Variants in ADAMTS6 observed in about 807,000 individuals in gnomAD.
ADAMTS6 encodes A disintegrin and metalloproteinase with thrombospondin motifs 6.
In ADAMTS6, 23 loss-of-function variants were observed where a neutral mutation model predicts 144.3. The ratio of observed to expected loss-of-function variants is 0.16; its 90% confidence interval spans 0.11 to 0.23. The LOEUF (loss-of-function observed/expected upper bound fraction) is 0.23, where lower values mean the gene tolerates loss of function less well. ADAMTS6 is among the 10% of genes least tolerant of loss of function. The pLI is 1.00. For synonymous variants in ADAMTS6, 444 were observed against 457.5 expected, an observed-to-expected ratio of 0.97 and a Z score of 0.38; for missense variants, 999 against 1,379.6, an observed-to-expected ratio of 0.72 and a Z score of 4.37.
chr5:65,241,736 T>C (rs1028184754), intron 15 of ADAMTS6, among the ~76,000 whole-genome samples: 3 of 152,148 alleles, frequency 2.0e-5, no homozygotes, highest in African/African-American at 7.2e-5. Context: ...TGTTTTAGGG[T>C]GATAATTGCA....
intron 13 of ADAMTS6, 148 bp downstream of exon 13, chr5:65,262,669 C>T (rs1761300670): frequency 1.2e-6 from 1 of 802,508 alleles, no homozygotes; most frequent in Non-Finnish European, 1.7e-6. Context: ...TAACAAAGCT[C>T]CTCCACTTTC....
intron 7 of ADAMTS6, among the ~76,000 whole-genome samples, chr5:65,407,515 T>A (rs1580631512): frequency 1.8e-5 from 2 of 109,644 alleles, no homozygotes; most frequent in African/African-American, 7.1e-5. Flanking sequence ...CAGTCCCCGG[T>A]GTGTGATGTT....
rs534241630 is a variant in ADAMTS6, at chr5:65,196,799, C to T, written c.2705+223G>A. 1.8e-4 allele frequency among the ~76,000 whole-genome samples: 28 copies of T among 152,140 alleles called. No individual in the cohort carries two copies. In the East Asian group the frequency reaches 4.6e-3, roughly 25 times the overall value. ...TCCAGCATTGTGTCAGAACAAAATTCATTGAAGTTCCTGCTTTAAAGAAGT... is the reference window on the plus strand; with the variant it reads ...TCCAGCATTGTGTCAGAACAAAATTTATTGAAGTTCCTGCTTTAAAGAAGT... On this transcript the variant is annotated intron_variant, in intron 21 of 24. Transcript: ENST00000381055.
rs114757336 is a variant in ADAMTS6, at chr5:65,462,714, A to G, written c.463-2376T>C. Among the ~76,000 whole-genome samples, 686 of 152,302 alleles carry G rather than the reference A, an allele frequency of 4.5e-3. 6 individuals are homozygous for G. Among genetic ancestry groups the G allele is most frequent in the African/African-American group, 0.016 (665 of 41,554 alleles). ...CCTATCACAAGGCAGATACTATGCT[A>G]TGTGGTAGGGATACAACAGTGAACC... On this transcript the variant is annotated intron_variant, in intron 3 of 24. Coordinates refer to ENST00000381055, the MANE Select transcript of ADAMTS6 (RefSeq NM_197941.4).
chr5:65,274,737 T>C (rs928850665), intron 11 of ADAMTS6, among the ~76,000 whole-genome samples: 1 of 152,080 alleles, frequency 6.6e-6, no homozygotes, highest in Non-Finnish European at 1.5e-5. Context: ...TAGGCTGGAG[T>C]GCGGTGGCAC....
chr5:65,298,213 T>C (rs1743029800), intron 10 of ADAMTS6, among the ~76,000 whole-genome samples: 1 of 152,058 alleles, frequency 6.6e-6, no homozygotes, highest in African/African-American at 2.4e-5. Context: ...TTGTATTTAG[T>C]ATACAGAGAT....
chr5:65,449,015 T>G (rs1758518137), intron 7 of ADAMTS6, among the ~76,000 whole-genome samples: 1 of 152,070 alleles, frequency 6.6e-6, no homozygotes, highest in Non-Finnish European at 1.5e-5. Context: ...CACTGGTACC[T>G]CTCCTCTGAT....
intron 17 of ADAMTS6, 77 bp downstream of exon 17, chr5:65,224,847 A>T: frequency 1.4e-6 from 2 of 1,456,184 alleles, no homozygotes; most frequent in East Asian, 2.4e-5. Flanking sequence ...TCTGAAAAAC[A>T]GGGGGAGGCG....
intron 7 of ADAMTS6, among the ~76,000 whole-genome samples, chr5:65,421,016 A>G (rs559229394): frequency 6.6e-6 from 1 of 152,236 alleles, no homozygotes; most frequent in Non-Finnish European, 1.5e-5. Context: ...TTTTTAATCC[A>G]GTCTGCCAAT....
chr5:65,388,314 C>G (rs759198040), intron 7 of ADAMTS6, among the ~76,000 whole-genome samples: 4 of 152,162 alleles, frequency 2.6e-5, no homozygotes, highest in Non-Finnish European at 1.5e-5. Context: ...CTTCTGTAGT[C>G]CACTGCATCT....
intron 11 of ADAMTS6, among the ~76,000 whole-genome samples, chr5:65,277,378 T>G (rs2112682580): frequency 6.6e-6 from 1 of 152,318 alleles, no homozygotes; most frequent in African/African-American, 2.4e-5. Flanking sequence ...GGTATTGCTC[T>G]ATGATAAAGT....
At chr5:65,164,278 C>T (rs1421629012) in intron 24 of ADAMTS6, among the ~76,000 whole-genome samples, 1 of 151,998 alleles carries the variant, frequency 6.6e-6, no homozygotes, top group Non-Finnish European at 1.5e-5. Flanking sequence ...ATGGACGCAG[C>T]TGGAAAATCG....
intron 7 of ADAMTS6, among the ~76,000 whole-genome samples, chr5:65,388,972 C>T (rs577688036): frequency 6.6e-6 from 1 of 152,194 alleles, no homozygotes; most frequent in East Asian, 1.9e-4. Context: ...CTTTGGGAGG[C>T]CGAGGTGGGC....
Position 65,230,330 on chromosome 5 carries a change from T to G in ADAMTS6, c.1934-4111A>C, listed in dbSNP as rs1353082353. ...TATATATGAAATATATATAATACATTATATATATGAAATATATATAATACA... is the reference window on the plus strand; with the variant it reads ...TATATATGAAATATATATAATACATGATATATATGAAATATATATAATACA... On this transcript the variant is annotated intron_variant, in intron 15 of 24. Coordinates refer to ENST00000381055, the MANE Select transcript of ADAMTS6 (RefSeq NM_197941.4). 1.4e-4 allele frequency among the ~76,000 whole-genome samples: 18 copies of G among 128,784 alleles called. 2 individuals carry two copies. The highest frequency in any genetic ancestry group is 7.0e-4 in the Admixed American group (8 of 11,494). 84.5% of individuals were successfully genotyped at this position (128,784 alleles called of 152,430 possible).
At chr5:65,338,165 C>T (rs890330615) in intron 7 of ADAMTS6, among the ~76,000 whole-genome samples, 5 of 152,154 alleles carry the variant, frequency 3.3e-5, no homozygotes, top group African/African-American at 1.2e-4. Context: ...GCACCTTATC[C>T]CTATGGTACT....
intron 15 of ADAMTS6, among the ~76,000 whole-genome samples, chr5:65,230,825 GTATA>G (rs1758169476): frequency 1.5e-5 from 1 of 68,342 alleles, no homozygotes; most frequent in African/African-American, 7.8e-5. Context: ...TAATACATAT[GTATA>G]AATATATATA....
chr5:65,234,009 C>G (rs1354612434), intron 15 of ADAMTS6, among the ~76,000 whole-genome samples: 2 of 144,554 alleles, frequency 1.4e-5, no homozygotes, highest in Non-Finnish European at 3.0e-5. Flanking sequence ...ACAAAGGTAC[C>G]AAGAAAATAG....
At position 65,210,992 on chromosome 5, in the gene ADAMTS6, A is replaced by G. The variant is rs145445282; in HGVS notation, c.2575+3802T>C. 9.8e-3 allele frequency: 1,712 copies of G among 175,582 alleles called. 12 individuals carry two copies. Among genetic ancestry groups the G allele is most frequent in the Non-Finnish European group, 0.015 (1,204 of 82,982 alleles). 10.9% of individuals were successfully genotyped at this position (175,582 alleles called of 1,614,324 possible). A position where few individuals can be genotyped will look rare whatever the true frequency, so the allele number is the denominator to read the frequency against. The stretch of plus-strand genomic sequence containing the variant: ...ACAAAAACAAAAACAAAAAACCAAC[A>G]AAAAAAGAACTGACTTTAGAATTCA... On this transcript the variant is annotated intron_variant, in intron 20 of 24. Transcript: ENST00000381055.
intron 23 of ADAMTS6, 95 bp from the exon 24 acceptor site, chr5:65,170,868 A>G: frequency 2.9e-6 from 4 of 1,370,906 alleles, no homozygotes; most frequent in South Asian, 1.5e-5. Context: ...ACACAATATG[A>G]ACTTTTTTTT....
Sources: gnomAD v4.1 joint callset for allele counts (sites outside exome capture counted in the v4.1 genomes callset) on GRCh38, gnomAD v4.1.1 for gene constraint, MANE v1.5 for transcripts, NCBI Gene and HGNC (gene_info 2026-07-23, HGNC 2026-07-21) for gene names.